Variants in TLR6 observed in about 807,000 individuals in gnomAD.
TLR6 encodes the protein toll-like receptor 6.
Under a neutral mutation model 16.1 loss-of-function variants are expected in TLR6, and 9 were observed. That is an observed-to-expected ratio of 0.56 (90% confidence interval 0.34 to 0.98). TLR6 has a LOEUF of 0.98. Ranked by LOEUF, TLR6 falls within the 50% of genes least tolerant of loss-of-function variation. The pLI, the probability that TLR6 is intolerant of heterozygous loss-of-function variation, is 0.02. For missense variants in TLR6, 786 were observed against 921.0 expected, an observed-to-expected ratio of 0.85 and a Z score of 1.90; for synonymous variants, 340 against 338.6, an observed-to-expected ratio of 1.00 and a Z score of -0.04.
In TLR6 at chr4:38,853,711, C is replaced by T. The variant is rs558810751; in HGVS notation, c.-65+3050G>A. ...CTTAAGGTCCTGGGCTCATGCCATC[C>T]TCTCACCTCAGCCTCCCACGGAGCT... On this transcript the variant is annotated intron_variant, in intron 1 of 1. Transcript: ENST00000436693. Among the ~76,000 whole-genome samples the T allele has an allele frequency of 4.6e-5, 7 of 152,324 alleles. No homozygotes were observed. The South Asian group carries it at 1.4e-3, about 32-fold the overall frequency.
chr4:38,858,825 GA>G (rs1713112327), upstream of TLR6, among the ~76,000 whole-genome samples: 2 of 105,338 alleles, frequency 1.9e-5, no homozygotes, highest in South Asian at 3.4e-4. Context: ...GAGAGAGAGA[GA>G]GAGAGGAAGA....
At chr4:38,827,512 G>A (rs931034862) in exon 2 of TLR6, 4 of 1,614,016 alleles carry the variant, frequency 2.5e-6, no homozygotes, top group Non-Finnish European at 3.4e-6. Context: ...TTTTCACCCA[G>A]GCAGAATCAT....
the TLR6 span, among the ~76,000 whole-genome samples, chr4:38,865,976 T>G: frequency 6.6e-6 from 1 of 150,980 alleles, no homozygotes; most frequent in Admixed American, 6.6e-5. Flanking sequence ...CTGTCTCTAC[T>G]GAAAACACAA....
At chr4:38,855,946 T>TCA (rs1712966453) in intron 1 of TLR6, among the ~76,000 whole-genome samples, 1 of 150,278 alleles carries the variant, frequency 6.7e-6, no homozygotes, top group African/African-American at 2.5e-5. Context: ...AAGCTACATT[T>TCA]CAGAAAAAAA....
At chr4:38,859,280 T>C (rs1713143080), upstream of TLR6, among the ~76,000 whole-genome samples, 2 of 152,180 alleles carry the variant, frequency 1.3e-5, no homozygotes, top group African/African-American at 4.8e-5. Flanking sequence ...GACTGGGGTA[T>C]TGCAGTCACA....
intron 1 of TLR6, among the ~76,000 whole-genome samples, chr4:38,852,673 A>G (rs1579260937): frequency 6.6e-6 from 1 of 151,356 alleles, no homozygotes; most frequent in East Asian, 2.0e-4. Context: ...AATCAAAACC[A>G]CAATGAGATA....
chr4:38,831,015 T>C (rs1289780300), intron 1 of TLR6, among the ~76,000 whole-genome samples: 1 of 139,600 alleles, frequency 7.2e-6, no homozygotes, highest in Non-Finnish European at 1.5e-5. Flanking sequence ...CAGAAAGTAT[T>C]GTTCATTCAC....
intron 1 of TLR6, among the ~76,000 whole-genome samples, chr4:38,833,250 G>A (rs1348882329): frequency 6.6e-6 from 1 of 152,208 alleles, no homozygotes; most frequent in East Asian, 1.9e-4. Flanking sequence ...GGAGGCTCAA[G>A]GACCCATCAC....
chr4:38,826,299 C>T (rs1421295130), exon 2 of TLR6: 3 of 152,268 alleles, frequency 2.0e-5, no homozygotes, highest in Non-Finnish European at 2.9e-5. Flanking sequence ...TCTTTCTGCT[C>T]TTTTGATAAG....
chr4:38,859,310 C>G (rs959385802), upstream of TLR6, among the ~76,000 whole-genome samples: 5 of 152,144 alleles, frequency 3.3e-5, no homozygotes, highest in Admixed American at 3.3e-4. Context: ...ATGTCTGGAG[C>G]CACCAGAGGC....
At chr4:38,867,629 T>A in the TLR6 span, 13 of 151,588 alleles carry the variant, frequency 8.6e-5, no homozygotes, top group Admixed American at 5.2e-4. Context: ...CAAGCCAAGT[T>A]TCCAGGAGAC....
intron 1 of TLR6, among the ~76,000 whole-genome samples, chr4:38,855,884 C>T (rs867080600): frequency 6.6e-6 from 1 of 151,514 alleles, no homozygotes; most frequent in Admixed American, 6.6e-5. Flanking sequence ...CAGGTAAATG[C>T]TCTTGATTTT....
chr4:38,825,380 TA>T (rs1438640407), exon 2 of TLR6: 1 of 152,248 alleles, frequency 6.6e-6, no homozygotes, highest in Non-Finnish European at 1.5e-5. Context: ...TCAGTTTCTT[TA>T]CTCTTCCTCC....
intron 1 of TLR6, among the ~76,000 whole-genome samples, chr4:38,837,660 A>G (rs1560266803): frequency 6.6e-6 from 1 of 152,222 alleles, no homozygotes; most frequent in Non-Finnish European, 1.5e-5. Flanking sequence ...AGAAAACAGA[A>G]GAAATGCTTG....
exon 2 of TLR6, chr4:38,827,902 T>C: frequency 6.2e-7 from 1 of 1,614,200 alleles, no homozygotes; most frequent in Non-Finnish European, 8.5e-7. Context: ...CCCCTGCTTT[T>C]ATTGACCTCA....
chr4:38,823,798 A>G (rs1579232483), exon 2 of TLR6: 1 of 152,148 alleles, frequency 6.6e-6, no homozygotes, highest in East Asian at 1.9e-4. Context: ...CGCGCATCCT[A>G]CCGGGGCAAT....
exon 2 of TLR6, chr4:38,827,957 G>A (rs765324332): frequency 6.2e-7 from 1 of 1,614,164 alleles, no homozygotes; most frequent in Admixed American, 1.7e-5. Flanking sequence ...GTGGGAAACT[G>A]AATTGTGATC....
chr4:38,839,048 GAAAAAGAGAGAAAGAAAT>G (rs1367789606), intron 1 of TLR6, among the ~76,000 whole-genome samples: 1 of 127,214 alleles, frequency 7.9e-6, no homozygotes, highest in Non-Finnish European at 1.6e-5. Context: ...GAGAAAGAAA[GAAAAAGAGAGAAAGAAAT>G]AGAAAGAGAG....
chr4:38,838,855 AT>A (rs1712070866), intron 1 of TLR6, among the ~76,000 whole-genome samples: 1 of 141,166 alleles, frequency 7.1e-6, no homozygotes, highest in Non-Finnish European at 1.6e-5. Flanking sequence ...CCCCATAAAT[AT>A]GTATAATTAT....
Sources: allele counts gnomAD v4.1 joint callset (sites outside exome capture counted in the v4.1 genomes callset), GRCh38; gene constraint gnomAD v4.1.1; transcripts MANE v1.5; gene names NCBI Gene and HGNC (gene_info 2026-07-23, HGNC 2026-07-21).